DLGAP4: variants seen among roughly 807,000 people sequenced by gnomAD.
DLGAP4 encodes disks large-associated protein 4.
In DLGAP4, 18 loss-of-function variants were observed where a neutral mutation model predicts 86.9. The ratio of observed to expected loss-of-function variants is 0.21; its 90% CI spans 0.14 to 0.31. DLGAP4 has a LOEUF of 0.31. Ranked by LOEUF, DLGAP4 falls within the 10% of genes least tolerant of loss-of-function variation. DLGAP4 has a pLI of 1.00. For missense variants in DLGAP4, 1,085 were observed against 1,362.6 expected, an observed-to-expected ratio of 0.80 and a Z score of 3.21; for synonymous variants, 548 against 574.3, an observed-to-expected ratio of 0.95 and a Z score of 0.65.
chr20:36,471,586 T>A (rs2034666515), intron 7 of DLGAP4, among the ~76,000 whole-genome samples: 1 of 152,194 alleles, frequency 6.6e-6, no homozygotes, highest in Non-Finnish European at 1.5e-5. Context: ...GAACCTCAGT[T>A]TTCCTCATCT....
At chr20:36,337,460 G>T (rs2065334574) in intron 1 of DLGAP4, among the ~76,000 whole-genome samples, 1 of 152,144 alleles carries the variant, frequency 6.6e-6, no homozygotes, top group South Asian at 2.1e-4. Context: ...CGGGAAGGGA[G>T]TCCAGATAAA....
chr20:36,453,934 C>CAAAAAAAAAAAAAA (rs1194294335), intron 7 of DLGAP4, among the ~76,000 whole-genome samples: 1 of 42,692 alleles, frequency 2.3e-5, no homozygotes, highest in Admixed American at 2.8e-4. Context: ...ACTCTGTCTC[C>CAAAAAAAAAAAAAA]AAAAAAAAAA....
At chr20:36,437,797 C>T (rs1208582585) in intron 4 of DLGAP4, among the ~76,000 whole-genome samples, 1 of 152,164 alleles carries the variant, frequency 6.6e-6, no homozygotes, top group Non-Finnish European at 1.5e-5. Flanking sequence ...CTCAGAGCAG[C>T]CAGGAGTCTA....
chr20:36,427,759 A>G (rs1428157219), intron 2 of DLGAP4, among the ~76,000 whole-genome samples: 1 of 152,142 alleles, frequency 6.6e-6, no homozygotes, highest in Non-Finnish European at 1.5e-5. Flanking sequence ...CCTGGTCAAC[A>G]TGGTGAAAAC....
At chr20:36,339,386 C>G (rs1355040184) in intron 1 of DLGAP4, among the ~76,000 whole-genome samples, 1 of 150,432 alleles carries the variant, frequency 6.6e-6, no homozygotes, top group Non-Finnish European at 1.5e-5. Context: ...CTGCACCTGG[C>G]CTGTTTTTTT....
intron 2 of DLGAP4, among the ~76,000 whole-genome samples, chr20:36,423,962 A>C (rs972192287): frequency 3.9e-5 from 6 of 152,090 alleles, no homozygotes; most frequent in Non-Finnish European, 7.4e-5. Context: ...TCGGTCTAAA[A>C]AAAAACCGAA....
intron 10 of DLGAP4, chr20:36,508,106 G>A (rs369964417): frequency 2.6e-5 from 4 of 152,338 alleles, no homozygotes; most frequent in East Asian, 1.9e-4. Flanking sequence ...TTACAAGCAA[G>A]TCACAAGCCC....
intron 1 of DLGAP4, among the ~76,000 whole-genome samples, chr20:36,356,186 G>A (rs2147395917): frequency 6.6e-6 from 1 of 152,402 alleles, no homozygotes; most frequent in South Asian, 2.1e-4. Context: ...ACAGGGCTAA[G>A]AAGCTTGAAC....
At chr20:36,454,450 T>C (rs539791350) in intron 7 of DLGAP4, among the ~76,000 whole-genome samples, 16 of 152,204 alleles carry the variant, frequency 1.1e-4, no homozygotes, top group African/African-American at 3.9e-4. Context: ...GTAGCATCCT[T>C]GATCAGTATA....
intron 7 of DLGAP4, among the ~76,000 whole-genome samples, chr20:36,454,009 G>A (rs537181500): frequency 1.4e-5 from 2 of 144,504 alleles, no homozygotes; most frequent in Non-Finnish European, 3.0e-5. Context: ...AGTGGCTCAC[G>A]CCTGTAATCC....
intron 2 of DLGAP4, among the ~76,000 whole-genome samples, chr20:36,412,187 G>A (rs1569490703): frequency 6.6e-6 from 1 of 152,234 alleles, no homozygotes; most frequent in Admixed American, 6.5e-5. Flanking sequence ...TCTGCTGTTT[G>A]CCAGCATGAC....
chr20:36,335,799 G>T (rs2065315807), intron 1 of DLGAP4, among the ~76,000 whole-genome samples: 1 of 152,114 alleles, frequency 6.6e-6, no homozygotes, highest in African/African-American at 2.4e-5. Flanking sequence ...TGCCCCCTCT[G>T]GGAAGCCTTC....
intron 1 of DLGAP4, among the ~76,000 whole-genome samples, chr20:36,348,596 T>C (rs2030023742): frequency 6.6e-6 from 1 of 151,942 alleles, no homozygotes; most frequent in Non-Finnish European, 1.5e-5. Flanking sequence ...TTTTTGTATT[T>C]TTAGTAGAGA....
chr20:36,439,417 G>A (rs771585110), intron 4 of DLGAP4, among the ~76,000 whole-genome samples: 2 of 152,196 alleles, frequency 1.3e-5, no homozygotes, highest in African/African-American at 4.8e-5. Context: ...GGCTGGGGCC[G>A]TGGAGATAAG....
chr20:36,347,128 G>A (rs575207096), intron 1 of DLGAP4, among the ~76,000 whole-genome samples: 43 of 152,106 alleles, frequency 2.8e-4, no homozygotes, highest in Middle Eastern at 6.9e-3. Context: ...ATGTGGTGGT[G>A]CAGGGCTCCC....
At chr20:36,438,703 C>CTTT (rs35909803) in intron 4 of DLGAP4, among the ~76,000 whole-genome samples, 35 of 69,544 alleles carry the variant, frequency 5.0e-4, no homozygotes, top group South Asian at 1.5e-3. Context: ...GTTTCCCCAT[C>CTTT]TTTTTTTTTT....
intron 1 of DLGAP4, among the ~76,000 whole-genome samples, chr20:36,358,225 TATGAAA>T (rs1555893999): frequency 1.3e-5 from 2 of 152,200 alleles, no homozygotes; most frequent in Non-Finnish European, 2.9e-5. Flanking sequence ...AGACAGTGGA[TATGAAA>T]ATGCAAACTG....
At chr20:36,435,187 A>C (rs1288826119) in intron 3 of DLGAP4, among the ~76,000 whole-genome samples, 1 of 152,024 alleles carries the variant, frequency 6.6e-6, no homozygotes, top group Non-Finnish European at 1.5e-5. Context: ...TGTTCTGTAC[A>C]TTTTGAGATA....
chr20:36,461,722 T>TCCC (rs2034072260), intron 7 of DLGAP4: 2 of 803,902 alleles, frequency 2.5e-6, no homozygotes, highest in East Asian at 2.5e-4. Context: ...CTCCTCCTCC[T>TCCC]CCCCGTCTGT....
Sources: gnomAD v4.1 joint callset for allele counts (sites outside exome capture counted in the v4.1 genomes callset) on GRCh38, gnomAD v4.1.1 for gene constraint, MANE v1.5 for transcripts, NCBI Gene and HGNC (gene_info 2026-07-23, HGNC 2026-07-21) for gene names.